The following NOS1 variants were observed in gnomAD, a reference collection of about 807,000 sequenced individuals.
NOS1 encodes the protein NOS type I.
In NOS1, 51 loss-of-function variants were observed where a neutral mutation model predicts 164.5. The ratio of observed to expected loss-of-function variants is 0.31; its 90% confidence interval spans 0.25 to 0.39. The LOEUF (loss-of-function observed/expected upper bound fraction) is 0.39, where lower values mean the gene tolerates loss of function less well. Ranked by LOEUF, NOS1 falls within the 10% of genes least tolerant of loss-of-function variation. NOS1 has a pLI of 1.00. For synonymous variants in NOS1, 719 were observed against 745.8 expected, an observed-to-expected ratio of 0.96 and a Z score of 0.59; for missense variants, 1,362 against 1,885.6, an observed-to-expected ratio of 0.72 and a Z score of 5.14.
At position 117,211,974 on chromosome 12, in the gene NOS1, AGAATCACTTGAACTGGGGGAGGCAGAG is replaced by A. The variant is rs1172476872; in HGVS notation, c.*3308_*3334del. ...CAGTTACTCAGGAGGCCGAGGCAGAAGAATCACTTGAACTGGGGGAGGCAGAGGATGCAGTGAGCTGAGATCGTACCA... is the reference window on the plus strand; with the variant it reads ...CAGTTACTCAGGAGGCCGAGGCAGAAGATGCAGTGAGCTGAGATCGTACCA... On this transcript the variant is annotated 3_prime_UTR_variant, in exon 29 of 29. Coordinates refer to ENST00000317775, the MANE Select transcript of NOS1 (RefSeq NM_000620.5). 1 of 666,460 alleles carries A rather than the reference AGAATCACTTGAACTGGGGGAGGCAGAG, an allele frequency of 1.5e-6. No homozygotes were observed. Among genetic ancestry groups the A allele is most frequent in the African/African-American group, 2.0e-5 (1 of 51,170 alleles). The allele number at this position is 666,460 out of a possible 1,614,324, so 41.3% of individuals were successfully genotyped here.
chr12:117,243,582 C>CATCT lies in NOS1; in HGVS notation c.2824-148_2824-147insAGAT, dbSNP rs1319921096. 1.5e-4 allele frequency: 134 copies of CATCT among 903,084 alleles called. 2 individuals carry two copies. In the South Asian group the frequency reaches 1.8e-3, roughly 12 times the overall value. The allele number at this position is 903,084 out of a possible 1,614,324, so 55.9% of individuals were successfully genotyped here. A position where few individuals can be genotyped will look rare whatever the true frequency, so the allele number is the denominator to read the frequency against. ...CCATCCATCCATCCATCCATCCATC[C>CATCT]ATCCATCCAGTAACCCTTCCCTCCT... On this transcript the variant is annotated intron_variant, in intron 18 of 28. Transcript: ENST00000317775. The surrounding 1 kb of genome is among the most constrained non-coding windows in gnomAD (Gnocchi z 4.3).
At chr12:117,307,663 A>G (rs925459801) in intron 3 of NOS1, among the ~76,000 whole-genome samples, 2 of 151,990 alleles carry the variant, frequency 1.3e-5, no homozygotes, top group Non-Finnish European at 2.9e-5. Context: ...CACTGTGCCC[A>G]GCCAAAAAAA....
chr12:117,278,054 A>G lies in NOS1; in HGVS notation c.1569T>C (p.Asp523=). 1.9e-6 allele frequency: 3 copies of G among 1,614,110 alleles called. No individual in the cohort carries two copies. The highest frequency in any genetic ancestry group is 1.7e-5 in the Admixed American group (1 of 60,008). The part of the protein sequence containing the change: ...QGWKPPRGRF[D]VLPLLLQANG... ...TGGCCTGAAGCAGGAGCGGCAGGAC[A>G]TCGAAGCGGCCTCTAGGCGGTTTCC... The change falls in exon 9 of 29, where the codon GAT becomes GAC. Residue 523 remains aspartate (D), a synonymous_variant. Transcript: ENST00000317775.
chr12:117,340,465 T>C (rs1297193780), intron 1 of NOS1, among the ~76,000 whole-genome samples: 1 of 152,192 alleles, frequency 6.6e-6, no homozygotes, highest in African/African-American at 2.4e-5. Context: ...GGGGTGATAA[T>C]AGTGCCTACA....
At position 117,272,514 on chromosome 12, in the gene NOS1, G is replaced by T. The variant is rs1271784652; in HGVS notation, c.1710C>A (p.Pro570=). The change falls in exon 10 of 29, where the codon CCC becomes CCA. Residue 570 remains proline, a synonymous_variant. Coordinates refer to ENST00000317775, the MANE Select transcript of NOS1 (RefSeq NM_000620.5). The surrounding 1 kb of genome is among the most constrained non-coding windows in gnomAD (Gnocchi z 4.3). ...KDLGLKWYGL[P]AVSNMLLEIG... is the part of the protein sequence containing the mutation. ...TCTCTAGGAGCATGTTGGACACGGCGGGGAGGCCGTACCACTTCAGCCCCA... is the reference window on the plus strand; with the variant it reads ...TCTCTAGGAGCATGTTGGACACGGCTGGGAGGCCGTACCACTTCAGCCCCA... 1 of 1,614,160 alleles carries T rather than the reference G, an allele frequency of 6.2e-7. No homozygotes were observed. Among genetic ancestry groups the T allele is most frequent in the African/African-American group, 1.3e-5 (1 of 75,048 alleles).
Position 117,213,359 on chromosome 12 carries a change from A to T in NOS1, c.*1950T>A, listed in dbSNP as rs1956556142. 2.0e-6 allele frequency: 2 copies of T among 985,386 alleles called. No individual in the cohort carries two copies. Among genetic ancestry groups the T allele is most frequent in the African/African-American group, 3.5e-5 (2 of 57,252 alleles). The allele number at this position is 985,386 out of a possible 1,614,324, so 61.0% of individuals were successfully genotyped here. A position where few individuals can be genotyped will look rare whatever the true frequency, so the allele number is the denominator to read the frequency against. ...GAATGGGCTTCCCTTCAGGATTAGA[A>T]GGGGTGAGTGTGGGATGCTAAGTGT... On this transcript the variant is annotated 3_prime_UTR_variant, in exon 29 of 29. Coordinates refer to ENST00000317775, the MANE Select transcript of NOS1 (RefSeq NM_000620.5).
intron 16 of NOS1, among the ~76,000 whole-genome samples, chr12:117,256,284 G>GTTGTGTTTTTTTTTTT (rs549611283): frequency 1.0e-4 from 12 of 118,488 alleles, no homozygotes; most frequent in African/African-American, 4.6e-4. Flanking sequence ...GGGATTTTCT[G>GTTGTGTTTTTTTTTTT]TTTTTTTTTT....
In NOS1 at chr12:117,260,492, C is replaced by T. The variant is rs779421792; in HGVS notation, c.2340G>A (p.Glu780=). 1 of 1,614,070 alleles carries T rather than the reference C, an allele frequency of 6.2e-7. No homozygotes were observed. Among genetic ancestry groups the T allele is most frequent in the Non-Finnish European group, 8.5e-7 (1 of 1,179,970 alleles). The change falls in exon 14 of 29, where the codon GAG becomes GAA. Residue 780 remains glutamate, a synonymous_variant. Transcript: ENST00000317775. ...TGGCATCAAAGGCGTGTTTGAAGAT[C>T]TCACACAAGGTCTTGGCATAAGCTT... ...KSQAYAKTLC[E]IFKHAFDAKV...
intron 26 of NOS1, among the ~76,000 whole-genome samples, chr12:117,222,128 G>A (rs182573399): frequency 7.6e-4 from 116 of 152,082 alleles, no homozygotes; most frequent in African/African-American, 2.4e-3. Context: ...CCCATTTGCA[G>A]TTACTCCCCA....
At chr12:117,305,429 A>T (rs1405724504) in intron 3 of NOS1, among the ~76,000 whole-genome samples, 2 of 148,776 alleles carry the variant, frequency 1.3e-5, no homozygotes, top group Admixed American at 6.9e-5. Context: ...GCGTCATTGC[A>T]CTCTTGCCTG....
Position 117,234,029 on chromosome 12 carries a change from A to G in NOS1, c.3235+536T>C, listed in dbSNP as rs1377426572. The stretch of plus-strand genomic sequence containing the variant: ...GCCCACCTGTGCTCCTGGATGAAGC[A>G]CTGAGACCCATTTGCCTTTGAAAGT... On this transcript the variant is annotated intron_variant, in intron 21 of 28. Coordinates refer to ENST00000317775, the MANE Select transcript of NOS1 (RefSeq NM_000620.5). The surrounding 1 kb of genome is among the most constrained non-coding windows in gnomAD (Gnocchi z 4.3). Among the ~76,000 whole-genome samples, 1 of 152,156 alleles carries G rather than the reference A, an allele frequency of 6.6e-6. No homozygotes were observed. The highest frequency in any genetic ancestry group is 1.5e-5 in the Non-Finnish European group (1 of 68,038).
chr12:117,288,240 G>C lies in NOS1; in HGVS notation c.982-21C>G. 3 of 1,603,988 alleles carry C rather than the reference G, an allele frequency of 1.9e-6. No homozygotes were observed. The South Asian group carries it at 3.3e-5, about 18-fold the overall frequency. ...GTTTCCTGGAAGATCAAGAGATTTG[G>C]GGTATTGCTTGGTTTTACCCAAGAG... On this transcript the variant is annotated intron_variant, in intron 4 of 28. Coordinates refer to ENST00000317775, the MANE Select transcript of NOS1 (RefSeq NM_000620.5).
chr12:117,285,319 C>T lies in NOS1; in HGVS notation c.1304G>A (p.Arg435His), dbSNP rs1308404670. 2 of 1,609,520 alleles carry T rather than the reference C, an allele frequency of 1.2e-6. No individual in the cohort carries two copies. The highest frequency in any genetic ancestry group is 1.7e-6 in the Non-Finnish European group (2 of 1,177,120). Reference protein sequence around the residue: ...QWSKLQVFDARDCTTAHGMFN... With the variant: ...QWSKLQVFDAHDCTTAHGMFN... ...CATCCCGTGGGCCGTGGTGCAGTCA[C>T]GGGCATCGAATACCTGGAAGAGGCA... is the stretch of plus-strand genomic sequence containing the variant. The change falls in exon 7 of 29, where the codon CGT becomes CAT. Residue 435 changes from arginine (R) to histidine (H), a missense_variant. Transcript: ENST00000317775.
intron 23 of NOS1, 48 bp downstream of exon 23, chr12:117,227,383 C>A: frequency 6.3e-7 from 1 of 1,592,466 alleles, no homozygotes; most frequent in South Asian, 1.1e-5. Flanking sequence ...CCAGAGGCCC[C>A]TTGGGGGAAA....
At chr12:117,221,644 A>G (rs1166766223) in intron 26 of NOS1, among the ~76,000 whole-genome samples, 1 of 148,698 alleles carries the variant, frequency 6.7e-6, no homozygotes, top group Non-Finnish European at 1.5e-5. Context: ...CTAATTATTT[A>G]TTGTTTAGAG....
chr12:117,209,104 A>C lies in NOS1; in HGVS notation c.*6205T>G. On this transcript the variant is annotated 3_prime_UTR_variant, in exon 29 of 29. Transcript: ENST00000317775. ...TCAAATCCCACTTTGGCAGCAGATA[A>C]TGGAAACAACCACTGGGCTAGGCAA... 1.0e-6 allele frequency: 1 copy of C among 985,386 alleles called. No homozygotes were observed. The highest frequency in any genetic ancestry group is 1.1e-4 in the East Asian group (1 of 8,812). The allele number at this position is 985,386 out of a possible 1,614,324, so 61.0% of individuals were successfully genotyped here. A position where few individuals can be genotyped will look rare whatever the true frequency, so the allele number is the denominator to read the frequency against.
In NOS1 at chr12:117,256,284, G is replaced by GTTTTTTGTTTT. The variant is rs1555252512; in HGVS notation, c.2531+2112_2531+2113insAAAACAAAAAA. Among the ~76,000 whole-genome samples, 107 of 118,450 alleles carry GTTTTTTGTTTT rather than the reference G, an allele frequency of 9.0e-4. 2 individuals are homozygous for GTTTTTTGTTTT. The highest frequency in any genetic ancestry group is 4.3e-3 in the Middle Eastern group (1 of 232). The allele number at this position is 118,450 out of a possible 152,430, so 77.7% of individuals were successfully genotyped here. ...CAAAGAAAATCAGAAGGGATTTTCT[G>GTTTTTTGTTTT]TTTTTTTTTTTTGAGACGGAGTCTC... On this transcript the variant is annotated intron_variant, in intron 16 of 28. Transcript: ENST00000317775.
chr12:117,227,514 C>T lies in NOS1; in HGVS notation c.3533G>A (p.Arg1178His), dbSNP rs1490215839. ...LLTQLSLLQPRYYSISSSPDM... is the reference protein window; with the variant it reads ...LLTQLSLLQPHYYSISSSPDM... ...TGGGGAGGAGCTGATGGAATAGTAG[C>T]GGGGCTGCAGCAGGGACAGCTGGGT... Residue 1178 changes from arginine (R) to histidine (H), a missense_variant, in exon 23 of 29, where the codon CGC becomes CAC. By Grantham distance (29) the Arg-to-His change is conservative. This residue lies in a region of NOS1 where 737 missense variants were observed against 1,030.3 expected (regional missense o/e 0.72). Coordinates refer to ENST00000317775, the MANE Select transcript of NOS1 (RefSeq NM_000620.5). 2 of 1,612,808 alleles carry T rather than the reference C, an allele frequency of 1.2e-6. No homozygotes were observed. The highest frequency in any genetic ancestry group is 1.7e-5 in the Admixed American group (1 of 59,868).
At chr12:117,353,043 T>G (rs1593044996) in intron 1 of NOS1, among the ~76,000 whole-genome samples, 1 of 152,174 alleles carries the variant, frequency 6.6e-6, no homozygotes, top group African/African-American at 2.4e-5. Flanking sequence ...TATCCATCCA[T>G]CCATCCATCC....
Sources: gnomAD v4.1 joint callset for allele counts (sites outside exome capture counted in the v4.1 genomes callset) on GRCh38, gnomAD v4.1.1 for gene constraint, gnomAD v4.1.1 regional missense constraint, Gnocchi (gnomAD v3.1) non-coding constraint, MANE v1.5 for transcripts, NCBI Gene and HGNC (gene_info 2026-07-23, HGNC 2026-07-21) for gene names.